Variants in AKT2 observed in about 807,000 individuals in gnomAD.
The protein encoded by AKT2 is RAC-beta serine/threonine-protein kinase.
Under a neutral mutation model 58.6 loss-of-function variants are expected in AKT2, and 16 were observed. The observed-to-expected ratio is 0.27, with a 90% CI of 0.18 to 0.41. The LOEUF is 0.41. AKT2 is among the 10% of genes least tolerant of loss of function. AKT2 has a pLI of 1.00. For missense variants in AKT2, 438 were observed against 661.0 expected (o/e 0.66, Z 3.70); for synonymous variants, 253 against 254.0 (o/e 1.00, Z 0.04).
At chr19:40,239,329 G>T in intron 7 of AKT2, 1 of 255,616 alleles carries the variant, frequency 3.9e-6, no homozygotes. Context: ...GAGTGGCAAA[G>T]GCTTGGGAGC....
intron 1 of AKT2, chr19:40,274,791 C>G (rs552082423): frequency 5.9e-6 from 2 of 338,840 alleles, no homozygotes; most frequent in African/African-American, 4.3e-5. Context: ...GGAGATGTAG[C>G]TAGAGGAAGC....
At chr19:40,259,382 A>G (rs1447692340) in intron 2 of AKT2, among the ~76,000 whole-genome samples, 1 of 152,216 alleles carries the variant, frequency 6.6e-6, no homozygotes, top group African/African-American at 2.4e-5. Context: ...AAAAGAATGG[A>G]TATCACATTC....
At position 40,234,993 on chromosome 19, in the gene AKT2, A is replaced by G. The variant is rs1458688937; in HGVS notation, c.1366+52T>C. The stretch of plus-strand genomic sequence containing the variant: ...GAGAAGTGAGTTAAGAGCAGATCCC[A>G]TCCCTCCACCCCTGGGGCAGGCACA... On this transcript the variant is annotated intron_variant, in intron 13 of 13. Transcript: ENST00000392038. This position sits in a 1 kb window ranked among gnomAD's most constrained non-coding sequence, Gnocchi z 4.7. The G allele has an allele frequency of 6.7e-7, 1 of 1,498,542 alleles. No individual in the cohort carries two copies. The highest frequency in any genetic ancestry group is 2.3e-5 in the East Asian group (1 of 44,342). The allele number at this position is 1,498,542 out of a possible 1,614,324, so 92.8% of individuals were successfully genotyped here.
chr19:40,274,995 G>A (rs1349982727), intron 1 of AKT2: 1 of 447,664 alleles, frequency 2.2e-6, no homozygotes, highest in Admixed American at 2.4e-5. Context: ...CCCAGAATAA[G>A]CCCTGGGCAC....
intron 1 of AKT2, among the ~76,000 whole-genome samples, chr19:40,278,421 T>C (rs1443395703): frequency 6.6e-6 from 1 of 152,152 alleles, no homozygotes; most frequent in African/African-American, 2.4e-5. Flanking sequence ...CTCACGAGAA[T>C]GACCCCAATA....
Position 40,256,916 on chromosome 19 carries a change from C to G in AKT2, c.175+10G>C, listed in dbSNP as rs1248845036. The stretch of plus-strand genomic sequence containing the variant: ...CACCAGAACACTGACCCACTCATCC[C>G]AAGACACACCTGCTACGGAGAAGTT... On this transcript the variant is annotated intron_variant, in intron 3 of 13. Coordinates refer to ENST00000392038, the MANE Select transcript of AKT2 (RefSeq NM_001626.6). 4 of 1,613,868 alleles carry G rather than the reference C, an allele frequency of 2.5e-6. No individual in the cohort carries two copies. The highest frequency in any genetic ancestry group is 3.4e-6 in the Non-Finnish European group (4 of 1,179,890).
chr19:40,275,673 T>A (rs1357152593), intron 1 of AKT2, among the ~76,000 whole-genome samples: 1 of 151,344 alleles, frequency 6.6e-6, no homozygotes, highest in East Asian at 2.0e-4. Flanking sequence ...ACTTTTTACT[T>A]TTCTTTAATT....
Position 40,285,337 on chromosome 19 carries a change from T to A in AKT2, c.-241A>T, listed in dbSNP as rs890597652. On this transcript the variant is annotated 5_prime_UTR_variant, in exon 1 of 14. Coordinates refer to ENST00000392038, the MANE Select transcript of AKT2 (RefSeq NM_001626.6). ...CCTCCTCCGAGGCAGGCCCAACGGC[T>A]AGCACGGCGCGGCCCCCCCCGCCCC... 1 of 391,484 alleles carries A rather than the reference T, an allele frequency of 2.6e-6. No individual in the cohort carries two copies. Among genetic ancestry groups the A allele is most frequent in the Non-Finnish European group, 4.5e-6 (1 of 221,928 alleles). The allele number at this position is 391,484 out of a possible 1,614,324, so 24.3% of individuals were successfully genotyped here.
intron 4 of AKT2, among the ~76,000 whole-genome samples, chr19:40,246,236 C>T (rs1249122431): frequency 1.3e-5 from 2 of 151,966 alleles, no homozygotes; most frequent in Non-Finnish European, 2.9e-5. Flanking sequence ...CAGGTTTAAG[C>T]GATTCTCCTG....
rs965350620 is a variant in AKT2, at chr19:40,263,883, G to A, written c.46+1339C>T. 3.9e-5 allele frequency among the ~76,000 whole-genome samples: 6 copies of A among 152,204 alleles called. 1 individual carries two copies. Among genetic ancestry groups the A allele is most frequent in the South Asian group, 4.2e-4 (2 of 4,816 alleles). On this transcript the variant is annotated intron_variant, in intron 2 of 13. Coordinates refer to ENST00000392038, the MANE Select transcript of AKT2 (RefSeq NM_001626.6). ...GGCATAACTGTGAGGCTCAATCCCC[G>A]ATTTCCTTCAGGCCTTTATTCAGAT...
At position 40,233,518 on chromosome 19, in the gene AKT2, A is replaced by C; in HGVS notation, c.*354T>G. ...CAGATGCAGCAGCGCGGAGGCAGAC[A>C]CCAGCACGACACCCAGGCCAGAAAC... On this transcript the variant is annotated 3_prime_UTR_variant, in exon 14 of 14. Transcript: ENST00000392038. This position sits in a 1 kb window ranked among gnomAD's most constrained non-coding sequence, Gnocchi z 4.3. The C allele has an allele frequency of 1.6e-6, 1 of 619,890 alleles. No homozygotes were observed. The highest frequency in any genetic ancestry group is 1.9e-5 in the Admixed American group (1 of 53,496). 38.4% of individuals were successfully genotyped at this position (619,890 alleles called of 1,614,324 possible). A position where few individuals can be genotyped will look rare whatever the true frequency, so the allele number is the denominator to read the frequency against.
At chr19:40,275,672 TTTTC>T (rs922517887) in intron 1 of AKT2, among the ~76,000 whole-genome samples, 2 of 151,652 alleles carry the variant, frequency 1.3e-5, no homozygotes, top group African/African-American at 4.8e-5. Context: ...GACTTTTTAC[TTTTC>T]TTTAATTGTA....
At chr19:40,273,238 G>A (rs1474427467) in intron 1 of AKT2, among the ~76,000 whole-genome samples, 1 of 151,958 alleles carries the variant, frequency 6.6e-6, no homozygotes, top group Non-Finnish European at 1.5e-5. Flanking sequence ...CTACTCAGGA[G>A]GCTGAGGCAG....
chr19:40,242,806 G>A lies in AKT2; in HGVS notation c.288-119C>T. 1 of 1,159,378 alleles carries A rather than the reference G, an allele frequency of 8.6e-7. No homozygotes were observed. 71.8% of individuals were successfully genotyped at this position (1,159,378 alleles called of 1,614,324 possible). A position where few individuals can be genotyped will look rare whatever the true frequency, so the allele number is the denominator to read the frequency against. The stretch of plus-strand genomic sequence containing the variant: ...GGCAAGCAAATGACCACATAACCAT[G>A]GGAATTTGGGCAAGATCTGTCAGAA... On this transcript the variant is annotated intron_variant, in intron 4 of 13. Transcript: ENST00000392038. The surrounding 1 kb of genome is among the most constrained non-coding windows in gnomAD (Gnocchi z 4.3).
chr19:40,259,801 T>C (rs1368036598), intron 2 of AKT2, among the ~76,000 whole-genome samples: 2 of 152,078 alleles, frequency 1.3e-5, no homozygotes, highest in Non-Finnish European at 2.9e-5. Context: ...ACACAAATGG[T>C]CAACAGAAAG....
intron 3 of AKT2, 93 bp from the exon 4 acceptor site, chr19:40,255,362 C>G (rs1975465297): frequency 2.0e-6 from 2 of 995,558 alleles, no homozygotes; most frequent in African/African-American, 1.6e-5. Context: ...ACAGGCCTAG[C>G]CCCATGCTAG....
chr19:40,276,377 TTTTTTTTG>T (rs2077325378), intron 1 of AKT2, among the ~76,000 whole-genome samples: 2 of 84,094 alleles, frequency 2.4e-5, no homozygotes, highest in Non-Finnish European at 5.1e-5. Context: ...TTTTTTTTTT[TTTTTTTTG>T]AGACAGAGTC....
intron 4 of AKT2, among the ~76,000 whole-genome samples, chr19:40,248,868 TGGA>T (rs1379433976): frequency 1.7e-5 from 2 of 118,566 alleles, no homozygotes; most frequent in Non-Finnish European, 1.8e-5. Flanking sequence ...CAGGGAGGAG[TGGA>T]GGAGATGAGG....
intron 4 of AKT2, chr19:40,243,908 G>C (rs1183423594): frequency 6.6e-6 from 1 of 151,714 alleles, no homozygotes; most frequent in African/African-American, 2.4e-5. Flanking sequence ...GCCGGGCGTG[G>C]TGACGGGCGC....
Sources: allele counts gnomAD v4.1 joint callset (sites outside exome capture counted in the v4.1 genomes callset), GRCh38; gene constraint gnomAD v4.1.1; non-coding constraint Gnocchi (gnomAD v3.1); transcripts MANE v1.5; gene names NCBI Gene and HGNC (gene_info 2026-07-23, HGNC 2026-07-21).